Variants in CCDC85A observed in about 807,000 individuals in gnomAD.
The protein encoded by CCDC85A is coiled-coil domain containing 85A, also known as coiled-coil domain-containing protein 85A.
Under a neutral mutation model 50.2 loss-of-function variants are expected in CCDC85A, and 38 were observed. That is an observed-to-expected ratio of 0.76 (90% CI 0.58 to 0.99). The LOEUF (loss-of-function observed/expected upper bound fraction) is 0.99, where lower values mean the gene tolerates loss of function less well. Ranked by LOEUF, CCDC85A falls within the 50% of genes least tolerant of loss-of-function variation. The pLI is 0.00. For missense variants in CCDC85A, 820 were observed against 742.0 expected (o/e 1.11, Z -1.22); for synonymous variants, 366 against 301.4 (o/e 1.21, Z -2.22).
intron 5 of CCDC85A, chr2:56,383,649 A>G: frequency 1.0e-6 from 1 of 985,086 alleles, no homozygotes; most frequent in Non-Finnish European, 1.2e-6. Flanking sequence ...TTGGTAGCTA[A>G]GATTTGTGAC....
At chr2:56,377,167 T>C (rs1286807244) in intron 5 of CCDC85A, among the ~76,000 whole-genome samples, 3 of 152,212 alleles carry the variant, frequency 2.0e-5, no homozygotes, top group African/African-American at 7.2e-5. Context: ...TTTCTGTCTT[T>C]GTTGGAATAA....
intron 3 of CCDC85A, among the ~76,000 whole-genome samples, chr2:56,358,962 T>G (rs1464104778): frequency 3.6e-5 from 1 of 27,972 alleles, no homozygotes; most frequent in Non-Finnish European, 7.4e-5. Context: ...TTTTTTTGTA[T>G]TTTTTTTTTT....
intron 2 of CCDC85A, among the ~76,000 whole-genome samples, chr2:56,310,994 C>T (rs1031110161): frequency 6.6e-6 from 1 of 152,136 alleles, no homozygotes; most frequent in Non-Finnish European, 1.5e-5. Flanking sequence ...AAATATATAA[C>T]GGGACTTTTG....
chr2:56,229,309 T>C (rs1307397838), intron 2 of CCDC85A, among the ~76,000 whole-genome samples: 1 of 152,220 alleles, frequency 6.6e-6, no homozygotes, highest in Non-Finnish European at 1.5e-5. Flanking sequence ...ATTTGTACTA[T>C]TGTGCATTTT....
At chr2:56,272,591 T>A (rs147782232) in intron 2 of CCDC85A, among the ~76,000 whole-genome samples, 1 of 152,260 alleles carries the variant, frequency 6.6e-6, no homozygotes, top group African/African-American at 2.4e-5. Context: ...CCCAGGGACA[T>A]CATATATAGC....
chr2:56,315,199 T>A (rs1277817694), intron 2 of CCDC85A, among the ~76,000 whole-genome samples: 1 of 152,144 alleles, frequency 6.6e-6, no homozygotes, highest in Non-Finnish European at 1.5e-5. Flanking sequence ...TCCCATGAGA[T>A]TGACTGAGGT....
At chr2:56,330,764 A>G (rs986741546) in intron 2 of CCDC85A, among the ~76,000 whole-genome samples, 2 of 152,308 alleles carry the variant, frequency 1.3e-5, no homozygotes, top group Admixed American at 6.5e-5. Context: ...ACACTTATGT[A>G]CTGTTCGTGG....
chr2:56,329,008 A>G (rs1673623083), intron 2 of CCDC85A, among the ~76,000 whole-genome samples: 1 of 152,148 alleles, frequency 6.6e-6, no homozygotes, highest in African/African-American at 2.4e-5. Flanking sequence ...TCCTCCTGCA[A>G]GCAGTACACA....
At chr2:56,225,421 G>A (rs746059655) in intron 2 of CCDC85A, among the ~76,000 whole-genome samples, 8 of 151,602 alleles carry the variant, frequency 5.3e-5, no homozygotes, top group African/African-American at 9.7e-5. Context: ...AGGAGAGTGC[G>A]TCTCAAAAAA....
At chr2:56,325,902 G>A (rs1348164775) in intron 2 of CCDC85A, among the ~76,000 whole-genome samples, 2 of 152,102 alleles carry the variant, frequency 1.3e-5, no homozygotes, top group African/African-American at 4.8e-5. Context: ...TTATTTAAAG[G>A]CACCACTGAA....
chr2:56,245,158 C>T (rs528536300), intron 2 of CCDC85A, among the ~76,000 whole-genome samples: 1 of 152,192 alleles, frequency 6.6e-6, no homozygotes, highest in Non-Finnish European at 1.5e-5. Context: ...AGTTGCAGTC[C>T]TTGTGGTTTA....
At chr2:56,338,539 A>G (rs1400904275) in intron 2 of CCDC85A, among the ~76,000 whole-genome samples, 3 of 152,150 alleles carry the variant, frequency 2.0e-5, no homozygotes, top group Non-Finnish European at 4.4e-5. Flanking sequence ...ATGATTAGCT[A>G]TGACTGAGAT....
In CCDC85A at chr2:56,192,791, A is replaced by G. The variant is rs772836345; in HGVS notation, c.591A>G (p.Thr197=). ...GCCAGGCCAGCCTGTGCCAACTCAC[A>G]GCCTCCACCGCACCCTACGTGCGGG... is the stretch of plus-strand genomic sequence containing the variant. The part of the protein sequence containing the change: ...IDSQASLCQL[T]ASTAPYVRDV... The change falls in exon 2 of 6, where the codon ACA becomes ACG. Residue 197 remains threonine (T), a synonymous_variant. Transcript: ENST00000407595. This position sits in a 1 kb window ranked among gnomAD's most constrained non-coding sequence, Gnocchi z 4.7. The G allele has an allele frequency of 6.2e-7, 1 of 1,613,156 alleles. No individual in the cohort carries two copies. Among genetic ancestry groups the G allele is most frequent in the East Asian group, 2.2e-5 (1 of 44,844 alleles).
At chr2:56,331,010 G>C (rs1673763454) in intron 2 of CCDC85A, among the ~76,000 whole-genome samples, 1 of 151,152 alleles carries the variant, frequency 6.6e-6, no homozygotes, top group African/African-American at 2.4e-5. Flanking sequence ...AAGGAAATGT[G>C]GTATATGTAT....
chr2:56,276,387 A>T (rs1670945147), intron 2 of CCDC85A, among the ~76,000 whole-genome samples: 1 of 151,990 alleles, frequency 6.6e-6, no homozygotes, highest in African/African-American at 2.4e-5. Flanking sequence ...GTTTGACTGT[A>T]TCCCCACCCA....
At chr2:56,219,447 C>G (rs979505) in intron 2 of CCDC85A, among the ~76,000 whole-genome samples, 1 of 151,450 alleles carries the variant, frequency 6.6e-6, no homozygotes, top group African/African-American at 2.4e-5. Context: ...AAATTGCAAC[C>G]ATTTTAAGTG....
chr2:56,383,716 C>T, intron 5 of CCDC85A: 8 of 985,124 alleles, frequency 8.1e-6, no homozygotes, highest in Non-Finnish European at 9.6e-6. Context: ...GGCCCTAAGA[C>T]TACCACCTCA....
intron 2 of CCDC85A, among the ~76,000 whole-genome samples, chr2:56,206,685 A>G (rs72801175): frequency 6.6e-6 from 1 of 152,044 alleles, no homozygotes; most frequent in Non-Finnish European, 1.5e-5. Context: ...TCATCTCCCA[A>G]CACTGCTGCA....
At chr2:56,375,690 A>G in intron 4 of CCDC85A, 126 bp from the exon 5 acceptor site, 1 of 900,632 alleles carries the variant, frequency 1.1e-6, no homozygotes, top group Non-Finnish European at 1.8e-6. Flanking sequence ...AGCATTGTAG[A>G]CTAGGTTAGG....
Sources: allele counts gnomAD v4.1 joint callset (sites outside exome capture counted in the v4.1 genomes callset), GRCh38; gene constraint gnomAD v4.1.1; non-coding constraint Gnocchi (gnomAD v3.1); transcripts MANE v1.5; gene names NCBI Gene and HGNC (gene_info 2026-07-23, HGNC 2026-07-21).